The following MAGI1 variants were observed in gnomAD, a reference collection of about 807,000 sequenced individuals.
MAGI1 encodes membrane associated guanylate kinase, WW and PDZ domain containing 1.
MAGI1 carries 58 observed loss-of-function variants against 139.9 expected under a neutral mutation model. The observed-to-expected ratio is 0.41, with a 90% CI of 0.34 to 0.52. The LOEUF (loss-of-function observed/expected upper bound fraction) is 0.52. MAGI1 is among the 20% of genes least tolerant of loss of function. The pLI, the probability that MAGI1 is intolerant of heterozygous loss-of-function variation, is 0.12. For synonymous variants in MAGI1, 812 were observed against 737.9 expected, an observed-to-expected ratio of 1.10 and a Z score of -1.63; for missense variants, 1,874 against 1,901.6, an observed-to-expected ratio of 0.99 and a Z score of 0.27.
chr3:65,678,644 A>G (rs1453892710), intron 1 of MAGI1, among the ~76,000 whole-genome samples: 1 of 152,190 alleles, frequency 6.6e-6, no homozygotes, highest in East Asian at 1.9e-4. Context: ...AACTGACACT[A>G]ACCCACAGCT....
intron 1 of MAGI1, among the ~76,000 whole-genome samples, chr3:65,915,226 G>A (rs1312342797): frequency 6.6e-6 from 1 of 152,182 alleles, no homozygotes; most frequent in Admixed American, 6.5e-5. Context: ...GCCCACAGGA[G>A]ATACAAATGC....
intron 1 of MAGI1, among the ~76,000 whole-genome samples, chr3:65,651,850 A>T (rs573573491): frequency 1.3e-5 from 2 of 152,178 alleles, no homozygotes; most frequent in African/African-American, 4.8e-5. Flanking sequence ...TCTCAAAGTG[A>T]CTACATTTCA....
At chr3:65,878,350 C>T (rs1022160006) in intron 1 of MAGI1, among the ~76,000 whole-genome samples, 3 of 151,932 alleles carry the variant, frequency 2.0e-5, no homozygotes, top group Admixed American at 6.5e-5. Context: ...AACCTCGTCT[C>T]GACAGAAATA....
intron 1 of MAGI1, among the ~76,000 whole-genome samples, chr3:65,786,009 T>C (rs1874323): frequency 0.15 from 23,217 of 151,490 alleles, 2,213 homozygotes; most frequent in South Asian, 0.35. Flanking sequence ...CAATCAGGGC[T>C]CACTGCAACC....
chr3:65,955,479 C>T (rs538802604), intron 1 of MAGI1, among the ~76,000 whole-genome samples: 1 of 152,276 alleles, frequency 6.6e-6, no homozygotes, highest in Admixed American at 6.5e-5. Context: ...CTAAGCAGGG[C>T]AAATGAAGCA....
At chr3:65,639,897 G>A (rs574118052) in intron 1 of MAGI1, among the ~76,000 whole-genome samples, 1 of 151,718 alleles carries the variant, frequency 6.6e-6, no homozygotes, top group East Asian at 1.9e-4. Flanking sequence ...AGCTACTCAG[G>A]AGGCTGAGGC....
At chr3:65,650,798 C>A (rs545432672) in intron 1 of MAGI1, among the ~76,000 whole-genome samples, 1 of 152,300 alleles carries the variant, frequency 6.6e-6, no homozygotes, top group South Asian at 2.1e-4. Context: ...TTAAGCAGTG[C>A]TCCCAGGTGA....
chr3:65,729,071 C>T (rs1652092440), intron 1 of MAGI1, among the ~76,000 whole-genome samples: 1 of 121,122 alleles, frequency 8.3e-6, no homozygotes. Context: ...CTGCATTATC[C>T]AATAAAAACA....
At chr3:65,686,204 T>C (rs1364705857) in intron 1 of MAGI1, among the ~76,000 whole-genome samples, 1 of 152,198 alleles carries the variant, frequency 6.6e-6, no homozygotes, top group Admixed American at 6.5e-5. Context: ...TCTTATGGCC[T>C]GTTCCCATTC....
chr3:65,390,116 C>T (rs1401381043), intron 14 of MAGI1, among the ~76,000 whole-genome samples: 8 of 152,046 alleles, frequency 5.3e-5, no homozygotes, highest in African/African-American at 1.4e-4. Context: ...GACGGGAGGC[C>T]AGGGACCCAC....
At chr3:65,943,663 A>G (rs918813797) in intron 1 of MAGI1, among the ~76,000 whole-genome samples, 2 of 151,992 alleles carry the variant, frequency 1.3e-5, no homozygotes, top group African/African-American at 4.8e-5. Context: ...GTGTATATAT[A>G]TATGTGTGTA....
intron 1 of MAGI1, among the ~76,000 whole-genome samples, chr3:66,013,406 T>TAAAAAA (rs35481450): frequency 2.7e-5 from 3 of 109,978 alleles, no homozygotes; most frequent in African/African-American, 3.7e-5. Flanking sequence ...CTGTCTCAAA[T>TAAAAAA]AAAAAAAAAA....
At chr3:65,686,437 G>T (rs561174742) in intron 1 of MAGI1, among the ~76,000 whole-genome samples, 1 of 152,052 alleles carries the variant, frequency 6.6e-6, no homozygotes, top group Non-Finnish European at 1.5e-5. Context: ...GACTGCAGGC[G>T]CACACCACCA....
intron 1 of MAGI1, among the ~76,000 whole-genome samples, chr3:66,007,142 G>A (rs1454607157): frequency 2.0e-5 from 3 of 151,988 alleles, no homozygotes; most frequent in African/African-American, 7.3e-5. Context: ...CACCTGGCCT[G>A]AAGATCACAT....
At chr3:65,641,110 A>C (rs1463273328) in intron 1 of MAGI1, among the ~76,000 whole-genome samples, 1 of 151,972 alleles carries the variant, frequency 6.6e-6, no homozygotes, top group Non-Finnish European at 1.5e-5. Flanking sequence ...CCTATATTAA[A>C]AAAAAAAAAG....
At chr3:65,372,295 A>C (rs145834419) in intron 18 of MAGI1, among the ~76,000 whole-genome samples, 1 of 152,232 alleles carries the variant, frequency 6.6e-6, no homozygotes, top group East Asian at 1.9e-4. Flanking sequence ...TTGGGTGACC[A>C]GGTGTATTGT....
intron 1 of MAGI1, among the ~76,000 whole-genome samples, chr3:66,025,539 A>G (rs1325527000): frequency 2.0e-5 from 3 of 151,918 alleles, no homozygotes; most frequent in South Asian, 4.1e-4. Context: ...TCTGTCTCAA[A>G]AACAAAAAAA....
In MAGI1 at chr3:65,356,913, G is replaced by GTCCC; in HGVS notation, c.3850_3853dup (p.Thr1285ArgfsTer174). ...TGCCCCGCTGTCGGGTTTCCTCGAAGTCCCATTCCAGGTGTGGTGTTCATT... is the reference window on the plus strand; with the variant it reads ...TGCCCCGCTGTCGGGTTTCCTCGAAGTCCCTCCCATTCCAGGTGTGGTGTTCATT... On this transcript the variant is annotated frameshift_variant, in exon 23 of 23. Transcript: ENST00000402939. LOFTEE classifies it low-confidence loss of function (END_TRUNC). The GTCCC allele has an allele frequency of 6.2e-7, 1 of 1,614,166 alleles. No individual in the cohort carries two copies. The highest frequency in any genetic ancestry group is 1.1e-5 in the South Asian group (1 of 91,086).
chr3:65,547,149 C>T (rs979749230), intron 2 of MAGI1, among the ~76,000 whole-genome samples: 3 of 152,132 alleles, frequency 2.0e-5, no homozygotes, highest in East Asian at 1.9e-4. Context: ...TTCTTGAGCA[C>T]CTAAAATGTG....
Sources: gnomAD v4.1 joint callset for allele counts (sites outside exome capture counted in the v4.1 genomes callset) on GRCh38, gnomAD v4.1.1 for gene constraint, MANE v1.5 for transcripts, NCBI Gene and HGNC (gene_info 2026-07-23, HGNC 2026-07-21) for gene names.